RFTN1: variants seen among roughly 807,000 people sequenced by gnomAD.
RFTN1 encodes raftlin.
A neutral mutation model predicts 46.5 loss-of-function variants in RFTN1; 26 were observed. The ratio of observed to expected loss-of-function variants is 0.56; its 90% CI spans 0.41 to 0.78. The LOEUF (loss-of-function observed/expected upper bound fraction) is 0.78. Ranked by LOEUF, RFTN1 falls within the 30% of genes least tolerant of loss-of-function variation. The pLI, the probability that RFTN1 is intolerant of heterozygous loss-of-function variation, is 0.00. For synonymous variants in RFTN1, 261 were observed against 284.2 expected (o/e 0.92, Z 0.82); for missense variants, 693 against 718.7 (o/e 0.96, Z 0.41).
Position 16,336,122 on chromosome 3 carries a change from C to T in RFTN1, c.1147-9246G>A, listed in dbSNP as rs2070825379. ...CAAGACAGAAAGAAGGGCCACTTCA[C>T]CTCTACCTCTCCCTAGCAAGTGGAA... On this transcript the variant is annotated intron_variant, in intron 7 of 9. Transcript: ENST00000334133. The surrounding 1 kb of genome is among the most constrained non-coding windows in gnomAD (Gnocchi z 6.0). Among the ~76,000 whole-genome samples, 1 of 152,228 alleles carries T rather than the reference C, an allele frequency of 6.6e-6. No individual in the cohort carries two copies. The highest frequency in any genetic ancestry group is 2.4e-5 in the African/African-American group (1 of 41,454).
At chr3:16,363,752 G>T (rs2072973907) in intron 6 of RFTN1, among the ~76,000 whole-genome samples, 1 of 152,106 alleles carries the variant, frequency 6.6e-6, no homozygotes, top group Admixed American at 6.6e-5. Context: ...GGACCAGATT[G>T]TCCACCCTGG....
intron 2 of RFTN1, among the ~76,000 whole-genome samples, chr3:16,441,936 C>A (rs1170616310): frequency 6.6e-6 from 1 of 152,144 alleles, no homozygotes; most frequent in Non-Finnish European, 1.5e-5. Context: ...CTTTTTGATG[C>A]AGGACTTTTT....
In RFTN1 at chr3:16,427,116, T is replaced by A. The variant is rs1424902155; in HGVS notation, c.332+6735A>T. Among the ~76,000 whole-genome samples, 1 of 152,212 alleles carries A rather than the reference T, an allele frequency of 6.6e-6. No individual in the cohort carries two copies. The highest frequency in any genetic ancestry group is 1.9e-4 in the East Asian group (1 of 5,200). ...TTAGAGGCTGCAAGATGGCAGCCAGTGGCATGGGTTAGGGACAAACAATCC... is the reference window on the plus strand; with the variant it reads ...TTAGAGGCTGCAAGATGGCAGCCAGAGGCATGGGTTAGGGACAAACAATCC... On this transcript the variant is annotated intron_variant, in intron 3 of 9. Transcript: ENST00000334133. The surrounding 1 kb of genome is among the most constrained non-coding windows in gnomAD (Gnocchi z 5.4).
At position 16,319,550 on chromosome 3, in the gene RFTN1, A is replaced by G. The variant is rs145037026; in HGVS notation, c.1333-2318T>C. On this transcript the variant is annotated intron_variant, in intron 9 of 9. Transcript: ENST00000334133. ...GTTGTGCAGTGTACAACTGAGGACA[A>G]TTCCACCACGTGCTAGACCTTCCAT... Among the ~76,000 whole-genome samples, 227 of 152,276 alleles carry G rather than the reference A, an allele frequency of 1.5e-3. 2 individuals carry two copies. The highest frequency in any genetic ancestry group is 0.012 in the South Asian group (59 of 4,824).
chr3:16,478,397 C>A (rs1483193556), intron 2 of RFTN1, among the ~76,000 whole-genome samples: 1 of 152,178 alleles, frequency 6.6e-6, no homozygotes, highest in Non-Finnish European at 1.5e-5. Context: ...GCTCACACAG[C>A]TAATAAGCAG....
At chr3:16,367,347 T>TG (rs2073250560) in intron 6 of RFTN1, among the ~76,000 whole-genome samples, 1 of 152,168 alleles carries the variant, frequency 6.6e-6, no homozygotes, top group Non-Finnish European at 1.5e-5. Context: ...ACGGAAACCT[T>TG]GGACTTTTCC....
Position 16,493,731 on chromosome 3 carries a change from T to G in RFTN1, c.139A>C (p.Ser47Arg). Residue 47 changes from serine to arginine, a missense_variant, in exon 2 of 10, where the codon AGT (serine) becomes CGT (arginine). Coordinates refer to ENST00000334133, the MANE Select transcript of RFTN1 (RefSeq NM_015150.2). ...EYRFLEFTTL[S>R]AAELPGSSAV... Reference sequence around the variant, plus strand: ...TCCCACCCCATGTACTCACCAGCACTCAGAGTCGTGAACTCCAGGAAGCGG... The same window carrying G: ...TCCCACCCCATGTACTCACCAGCACGCAGAGTCGTGAACTCCAGGAAGCGG... 7.1e-7 allele frequency: 1 copy of G among 1,410,104 alleles called. No homozygotes were observed. Among genetic ancestry groups the G allele is most frequent in the South Asian group, 1.1e-5 (1 of 88,810 alleles). The allele number at this position is 1,410,104 out of a possible 1,614,324, so 87.3% of individuals were successfully genotyped here.
At chr3:16,482,875 C>G (rs2076390909) in intron 2 of RFTN1, 1 of 1,521,606 alleles carries the variant, frequency 6.6e-7, no homozygotes, top group Non-Finnish European at 8.8e-7. Flanking sequence ...GGAGGAGCCT[C>G]CCACCGGGGT....
intron 4 of RFTN1, among the ~76,000 whole-genome samples, chr3:16,386,394 T>A (rs765584206): frequency 2.0e-5 from 3 of 152,186 alleles, no homozygotes; most frequent in Non-Finnish European, 4.4e-5. Flanking sequence ...CTTATAATAA[T>A]AACAATAGGT....
rs183061544 is a variant in RFTN1, at chr3:16,450,147, G to A, written c.146-16110C>T. On this transcript the variant is annotated intron_variant, in intron 2 of 9. Transcript: ENST00000334133. This position sits in a 1 kb window ranked among gnomAD's most constrained non-coding sequence, Gnocchi z 4.6. ...AAACAGAAAATATTTCTCTGAAAGA[G>A]TCATAAAATGTCAGCTTCTCCACTT... Among the ~76,000 whole-genome samples, 1 of 152,292 alleles carries A rather than the reference G, an allele frequency of 6.6e-6. No individual in the cohort carries two copies. Among genetic ancestry groups the A allele is most frequent in the East Asian group, 1.9e-4 (1 of 5,190 alleles).
Position 16,509,750 on chromosome 3 carries a change from G to A in RFTN1, c.-9+3692C>T, listed in dbSNP as rs779120903. 1.6e-4 allele frequency among the ~76,000 whole-genome samples: 24 copies of A among 152,136 alleles called. No individual in the cohort carries two copies. The highest frequency in any genetic ancestry group is 1.3e-4 in the Admixed American group (2 of 15,292). On this transcript the variant is annotated intron_variant, in intron 1 of 9. Transcript: ENST00000334133. This position sits in a 1 kb window ranked among gnomAD's most constrained non-coding sequence, Gnocchi z 4.9. ...ACACCCACTGTCAACCTCCAGAGAGGCGATCACCCAGATGGGTATCACGAG... is the reference window on the plus strand; with the variant it reads ...ACACCCACTGTCAACCTCCAGAGAGACGATCACCCAGATGGGTATCACGAG...
intron 9 of RFTN1, 34 bp downstream of exon 9, chr3:16,323,342 A>T (rs567669229): frequency 6.7e-7 from 1 of 1,488,144 alleles, no homozygotes; most frequent in South Asian, 1.1e-5. Context: ...AGCCCTGCTG[A>T]GGAAAACCTA....
chr3:16,391,894 G>GTTTTT (rs147487784), intron 4 of RFTN1, among the ~76,000 whole-genome samples: 1 of 33,052 alleles, frequency 3.0e-5, no homozygotes, highest in Non-Finnish European at 8.3e-5. Flanking sequence ...TTTTTTTTTT[G>GTTTTT]TTTTTTTTAC....
chr3:16,496,906 C>A (rs11128792), intron 1 of RFTN1, among the ~76,000 whole-genome samples: 142,639 of 152,324 alleles, frequency 0.94, 66,890 homozygotes, highest in East Asian at 1. Flanking sequence ...AAACATGGAA[C>A]CTAGGATTAC....
At chr3:16,333,187 C>T (rs1052246836) in intron 7 of RFTN1, among the ~76,000 whole-genome samples, 15 of 152,218 alleles carry the variant, frequency 9.9e-5, no homozygotes, top group African/African-American at 3.6e-4. Flanking sequence ...CTATTTTTAA[C>T]AGCTAAATCA....
At chr3:16,379,854 G>A (rs1328670514) in intron 4 of RFTN1, among the ~76,000 whole-genome samples, 40 of 152,194 alleles carry the variant, frequency 2.6e-4, no homozygotes, top group Admixed American at 2.6e-3. Flanking sequence ...GAAAATAGCA[G>A]GGAAATAATT....
chr3:16,328,815 A>C (rs1337884803), intron 7 of RFTN1, among the ~76,000 whole-genome samples: 2 of 152,226 alleles, frequency 1.3e-5, no homozygotes, highest in Non-Finnish European at 2.9e-5. Context: ...CCCTCCTGGC[A>C]AAAGAAAAGT....
intron 4 of RFTN1, among the ~76,000 whole-genome samples, chr3:16,379,457 A>G (rs79038195): frequency 0.014 from 2,112 of 152,342 alleles, 50 homozygotes; most frequent in African/African-American, 0.048. Flanking sequence ...TCATCCTTCA[A>G]TGATGCTGCA....
At position 16,447,606 on chromosome 3, in the gene RFTN1, C is replaced by T. The variant is rs1465551749; in HGVS notation, c.146-13569G>A. 1.3e-5 allele frequency among the ~76,000 whole-genome samples: 2 copies of T among 152,180 alleles called. No individual in the cohort carries two copies. Among genetic ancestry groups the T allele is most frequent in the Admixed American group, 6.5e-5 (1 of 15,284 alleles). ...CACATGCACATGTCCCTCCCAGCTG[C>T]CTTCTCAGGCATTCCAGTGAAAAAG... On this transcript the variant is annotated intron_variant, in intron 2 of 9. Transcript: ENST00000334133. This position sits in a 1 kb window ranked among gnomAD's most constrained non-coding sequence, Gnocchi z 5.9.
Sources: allele counts gnomAD v4.1 joint callset (sites outside exome capture counted in the v4.1 genomes callset), GRCh38; gene constraint gnomAD v4.1.1; non-coding constraint Gnocchi (gnomAD v3.1); transcripts MANE v1.5; gene names NCBI Gene and HGNC (gene_info 2026-07-23, HGNC 2026-07-21).